The following GRM8 variants were observed in gnomAD, a reference collection of about 807,000 sequenced individuals.
GRM8 encodes the protein glutamate metabotropic receptor 8.
In GRM8, 47 loss-of-function variants were observed where a neutral mutation model predicts 87.2. The observed-to-expected ratio is 0.54, with a 90% CI of 0.43 to 0.69. GRM8 has a LOEUF of 0.69. GRM8 is among the 30% of genes least tolerant of loss of function. GRM8 has a pLI of 0.00. For synonymous variants in GRM8, 396 were observed against 404.5 expected (o/e 0.98, Z 0.25); for missense variants, 1,019 against 1,139.2 (o/e 0.89, Z 1.52).
intron 7 of GRM8, among the ~76,000 whole-genome samples, chr7:126,749,556 T>C (rs1364046232): frequency 6.7e-6 from 1 of 149,684 alleles, no homozygotes; most frequent in Non-Finnish European, 1.5e-5. Flanking sequence ...CATATTTTTA[T>C]ATAAAATATA....
intron 2 of GRM8, among the ~76,000 whole-genome samples, chr7:127,221,789 C>A (rs1328146333): frequency 6.6e-6 from 1 of 152,122 alleles, no homozygotes; most frequent in African/African-American, 2.4e-5. Flanking sequence ...CAATCTTTAT[C>A]CAGAGCCCAT....
intron 3 of GRM8, among the ~76,000 whole-genome samples, chr7:126,924,694 G>A (rs528934231): frequency 7.9e-5 from 12 of 151,494 alleles, no homozygotes; most frequent in African/African-American, 2.4e-4. Flanking sequence ...AGCTGATGAC[G>A]TCAGTAAGAA....
chr7:126,456,972 T>C (rs756333874), intron 9 of GRM8, among the ~76,000 whole-genome samples: 1 of 151,466 alleles, frequency 6.6e-6, no homozygotes, highest in African/African-American at 2.4e-5. Context: ...GTGCCACAGA[T>C]GATCAGAACC....
chr7:126,713,672 A>G (rs1811378491), intron 7 of GRM8, among the ~76,000 whole-genome samples: 1 of 152,046 alleles, frequency 6.6e-6, no homozygotes, highest in African/African-American at 2.4e-5. Context: ...TCATAGAAGC[A>G]GATAATACAG....
intron 9 of GRM8, among the ~76,000 whole-genome samples, chr7:126,471,601 G>A (rs888763455): frequency 2.2e-4 from 33 of 151,792 alleles, no homozygotes; most frequent in Admixed American, 1.4e-3. Flanking sequence ...TAGCCTTGTA[G>A]TATAGTTTGA....
intron 3 of GRM8, among the ~76,000 whole-genome samples, chr7:127,042,849 T>C (rs1020089470): frequency 3.9e-5 from 6 of 152,150 alleles, no homozygotes; most frequent in Non-Finnish European, 8.8e-5. Context: ...GGAGAAACTT[T>C]TTGCAATCTA....
chr7:126,870,161 G>A (rs919752488), intron 6 of GRM8: 2 of 151,922 alleles, frequency 1.3e-5, no homozygotes, highest in East Asian at 1.9e-4. Flanking sequence ...TATTTTCTTC[G>A]GCAGCTTCCT....
At chr7:126,466,640 T>A (rs1314257116) in intron 9 of GRM8, among the ~76,000 whole-genome samples, 1 of 151,904 alleles carries the variant, frequency 6.6e-6, no homozygotes, top group Non-Finnish European at 1.5e-5. Flanking sequence ...ATATAAGTTC[T>A]GGTCCGATTC....
intron 7 of GRM8, among the ~76,000 whole-genome samples, chr7:126,657,392 A>T (rs1433398885): frequency 6.6e-6 from 1 of 152,236 alleles, no homozygotes; most frequent in Non-Finnish European, 1.5e-5. Flanking sequence ...GGACACTGAC[A>T]TATTTTCTTA....
intron 8 of GRM8, among the ~76,000 whole-genome samples, chr7:126,568,479 C>T (rs1025236196): frequency 6.6e-6 from 1 of 152,032 alleles, no homozygotes; most frequent in African/African-American, 2.4e-5. Context: ...TACATTTCTC[C>T]AAGAAAACTG....
chr7:126,826,546 C>T (rs552608095), intron 6 of GRM8, among the ~76,000 whole-genome samples: 53 of 152,228 alleles, frequency 3.5e-4, no homozygotes, highest in Middle Eastern at 3.4e-3. Flanking sequence ...TCATGTCCTT[C>T]GCCCAATTTT....
At chr7:127,139,354 G>A (rs1828128426) in intron 2 of GRM8, among the ~76,000 whole-genome samples, 1 of 152,000 alleles carries the variant, frequency 6.6e-6, no homozygotes, top group Non-Finnish European at 1.5e-5. Context: ...CAACCTTGAG[G>A]CAAACTATGA....
rs150076579 is a variant in GRM8, at chr7:126,596,493, A to T, written c.1494+12869T>A. On this transcript the variant is annotated intron_variant, in intron 8 of 10. Coordinates refer to ENST00000339582, the MANE Select transcript of GRM8 (RefSeq NM_000845.3). Reference sequence around the variant, plus strand: ...GTCTTTTCATGTCCTTTGCCCACTTATTGATGGGGTTGTATAACATTCTAG... The same window carrying T: ...GTCTTTTCATGTCCTTTGCCCACTTTTTGATGGGGTTGTATAACATTCTAG... Among the ~76,000 whole-genome samples, 276 of 152,144 alleles carry T rather than the reference A, an allele frequency of 1.8e-3. 1 individual carries two copies. Among genetic ancestry groups the T allele is most frequent in the Middle Eastern group, 3.4e-3 (1 of 294 alleles).
chr7:126,789,990 A>G (rs1821098358), intron 6 of GRM8, among the ~76,000 whole-genome samples: 1 of 151,014 alleles, frequency 6.6e-6, no homozygotes, highest in African/African-American at 2.4e-5. Flanking sequence ...ACTGGTCTCT[A>G]TGTGAGAACA....
intron 3 of GRM8, among the ~76,000 whole-genome samples, chr7:126,997,573 CA>C (rs1165112017): frequency 2.8e-5 from 4 of 140,752 alleles, no homozygotes; most frequent in Non-Finnish European, 6.2e-5. Flanking sequence ...ACGATCCAAA[CA>C]AATAAAATCA....
chr7:127,229,010 T>C lies in GRM8; in HGVS notation c.510+13685A>G, dbSNP rs549731374. On this transcript the variant is annotated intron_variant, in intron 2 of 10. Coordinates refer to ENST00000339582, the MANE Select transcript of GRM8 (RefSeq NM_000845.3). ...AAATAATATTTATTCATCAATCCTA[T>C]ACCACTACAATATTTTAGATCAGTG... 2.6e-5 allele frequency: 4 copies of C among 152,362 alleles called. No individual in the cohort carries two copies. In the East Asian group the frequency reaches 5.8e-4, roughly 22 times the overall value. The allele number at this position is 152,362 out of a possible 1,614,324, so 9.4% of individuals were successfully genotyped here.
intron 8 of GRM8, among the ~76,000 whole-genome samples, chr7:126,606,888 G>A (rs1283517826): frequency 1.3e-5 from 2 of 152,128 alleles, no homozygotes; most frequent in Non-Finnish European, 2.9e-5. Context: ...TGCGTATATG[G>A]CGAGATGTGT....
chr7:126,679,996 A>C (rs1399110461), intron 7 of GRM8, among the ~76,000 whole-genome samples: 3 of 151,134 alleles, frequency 2.0e-5, no homozygotes, highest in East Asian at 3.9e-4. Flanking sequence ...GCTCCAGTGC[A>C]CTCCAGCCTG....
chr7:126,789,252 T>A (rs1206818306), intron 6 of GRM8, among the ~76,000 whole-genome samples: 1 of 151,674 alleles, frequency 6.6e-6, no homozygotes, highest in African/African-American at 2.4e-5. Flanking sequence ...AAACACACAA[T>A]GAAGCACAAT....
Sources: allele counts gnomAD v4.1 joint callset (sites outside exome capture counted in the v4.1 genomes callset), GRCh38; gene constraint gnomAD v4.1.1; transcripts MANE v1.5; gene names NCBI Gene and HGNC (gene_info 2026-07-23, HGNC 2026-07-21).